Variants in RAPGEF1 observed in about 807,000 individuals in gnomAD.
The protein encoded by RAPGEF1 is CRK SH3-binding GNRP.
RAPGEF1 carries 33 observed loss-of-function variants against 143.3 expected under a neutral mutation model. That is an observed-to-expected ratio of 0.23 (90% confidence interval 0.17 to 0.31). The LOEUF is 0.31. Among genes scored for constraint, RAPGEF1 ranks in the 10% least tolerant of loss-of-function variants. The pLI is 1.00. For missense variants in RAPGEF1, 1,199 were observed against 1,645.4 expected (o/e 0.73, Z 4.69); for synonymous variants, 629 against 676.5 (o/e 0.93, Z 1.09).
chr9:131,683,892 C>T (rs1020612711), intron 1 of RAPGEF1, among the ~76,000 whole-genome samples: 5 of 152,256 alleles, frequency 3.3e-5, no homozygotes, highest in African/African-American at 9.6e-5. Context: ...ATCTACCCAA[C>T]TGCAAACAGC....
chr9:131,719,553 C>CT (rs34413859), intron 1 of RAPGEF1, among the ~76,000 whole-genome samples: 3,120 of 72,444 alleles, frequency 0.043, 159 homozygotes, highest in African/African-American at 0.056. Context: ...CCCTTCAGGG[C>CT]TTTTTTTTTT....
intron 1 of RAPGEF1, among the ~76,000 whole-genome samples, chr9:131,732,959 T>C (rs1837177052): frequency 6.6e-6 from 1 of 152,178 alleles, no homozygotes; most frequent in African/African-American, 2.4e-5. Flanking sequence ...GAGTGAAACA[T>C]CATTCTACTC....
At chr9:131,592,255 T>G in intron 17 of RAPGEF1, 72 bp from the exon 18 acceptor site, 1 of 1,254,398 alleles carries the variant, frequency 8.0e-7, no homozygotes, top group Non-Finnish European at 1.2e-6. Context: ...AGGGTGGATT[T>G]GAGTCCTTGC....
At chr9:131,721,454 C>T (rs1385205671) in intron 1 of RAPGEF1, among the ~76,000 whole-genome samples, 1 of 152,166 alleles carries the variant, frequency 6.6e-6, no homozygotes, top group East Asian at 1.9e-4. Flanking sequence ...TCCAACCCTT[C>T]AGTCTAAGGC....
At chr9:131,669,923 C>T (rs2130752970) in intron 1 of RAPGEF1, among the ~76,000 whole-genome samples, 1 of 152,302 alleles carries the variant, frequency 6.6e-6, no homozygotes, top group East Asian at 1.9e-4. Context: ...AACACAAGGC[C>T]CTGCCCACGT....
At chr9:131,722,849 G>C (rs1428558022) in intron 1 of RAPGEF1, among the ~76,000 whole-genome samples, 2 of 152,022 alleles carry the variant, frequency 1.3e-5, no homozygotes, top group Non-Finnish European at 2.9e-5. Flanking sequence ...CTGGATAACA[G>C]AGCAAAACCC....
chr9:131,663,121 A>T (rs977773870), intron 1 of RAPGEF1, among the ~76,000 whole-genome samples: 5 of 152,138 alleles, frequency 3.3e-5, no homozygotes, highest in Admixed American at 6.5e-5. Flanking sequence ...AAAAAAAAAA[A>T]TCAAATCTAT....
At chr9:131,588,067 AG>A in intron 20 of RAPGEF1, 41 bp from the exon 21 acceptor site, 1 of 1,548,210 alleles carries the variant, frequency 6.5e-7, no homozygotes, top group Non-Finnish European at 8.8e-7. Flanking sequence ...AGGGGTGGGG[AG>A]GCCGGTGGGG....
intron 15 of RAPGEF1, among the ~76,000 whole-genome samples, chr9:131,600,120 GAA>G (rs199937770): frequency 1.2e-4 from 18 of 146,540 alleles, no homozygotes; most frequent in Admixed American, 2.0e-4. Flanking sequence ...TGTCTCAAGG[GAA>G]AAAAAAAAAT....
chr9:131,625,555 C>T (rs1489838277), intron 10 of RAPGEF1, among the ~76,000 whole-genome samples: 1 of 152,072 alleles, frequency 6.6e-6, no homozygotes, highest in Admixed American at 6.5e-5. Flanking sequence ...TTCACGTATC[C>T]ACCTCGCTCT....
rs137885758 is a variant in RAPGEF1 at position 131,647,747 on chromosome 9, C to T, written c.315+2382G>A. Among the ~76,000 whole-genome samples, 340 of 152,288 alleles carry T rather than the reference C, an allele frequency of 2.2e-3. 1 individual carries two copies. The highest frequency in any genetic ancestry group is 4.4e-3 in the South Asian group (21 of 4,820). ...TGGGACAGAACACAGACATCCAACC[C>T]TTCCTAATGAGCAATGATGAAAAAG... On this transcript the variant is annotated intron_variant, in intron 3 of 26. Transcript: ENST00000683357.
At chr9:131,632,295 ATT>A (rs55684326) in intron 5 of RAPGEF1, among the ~76,000 whole-genome samples, 6 of 136,078 alleles carry the variant, frequency 4.4e-5, no homozygotes, top group Admixed American at 1.5e-4. Context: ...CACCCGGCTA[ATT>A]TTTTTTTTTT....
chr9:131,717,374 T>C (rs569845819), intron 1 of RAPGEF1, among the ~76,000 whole-genome samples: 3 of 152,308 alleles, frequency 2.0e-5, no homozygotes, highest in South Asian at 4.1e-4. Context: ...CACTATCCAC[T>C]GAACAAAAAT....
At chr9:131,591,279 G>A (rs116830432) in intron 18 of RAPGEF1, among the ~76,000 whole-genome samples, 2,408 of 152,322 alleles carry the variant, frequency 0.016, 71 homozygotes, top group African/African-American at 0.054. Flanking sequence ...GAAGGCTCAG[G>A]GCACACAGGA....
intron 22 of RAPGEF1, among the ~76,000 whole-genome samples, chr9:131,586,757 C>A (rs1165852746): frequency 1.7e-5 from 2 of 117,316 alleles, no homozygotes; most frequent in East Asian, 5.1e-4. Context: ...GAGCGAGACT[C>A]CGTCTCACAC....
chr9:131,720,203 C>T (rs1015260885), intron 1 of RAPGEF1, among the ~76,000 whole-genome samples: 28 of 152,154 alleles, frequency 1.8e-4, no homozygotes, highest in Non-Finnish European at 4.4e-5. Context: ...TCAGTTTTCT[C>T]ATCTGTAAAA....
chr9:131,635,619 C>T (rs1966175811), intron 5 of RAPGEF1, among the ~76,000 whole-genome samples: 1 of 152,162 alleles, frequency 6.6e-6, no homozygotes, highest in South Asian at 2.1e-4. Context: ...TTAAGGTGTC[C>T]CAGGCCTGAA....
rs1046515468 is a variant in RAPGEF1 at position 131,667,963 on chromosome 9, C to A, written c.62-17014G>T. Among the ~76,000 whole-genome samples, 1 of 152,194 alleles carries A rather than the reference C, an allele frequency of 6.6e-6. No homozygotes were observed. Among genetic ancestry groups the A allele is most frequent in the South Asian group, 2.1e-4 (1 of 4,828 alleles). Reference sequence around the variant, plus strand: ...TGTCATCTGTGGCCACCAGACCGTTCAAAAATATACTCCTTTTTGGGATAA... The same window carrying A: ...TGTCATCTGTGGCCACCAGACCGTTAAAAAATATACTCCTTTTTGGGATAA... On this transcript the variant is annotated intron_variant, in intron 1 of 26. Transcript: ENST00000683357. The surrounding 1 kb of genome is among the most constrained non-coding windows in gnomAD (Gnocchi z 4.6).
At chr9:131,618,641 G>A (rs1959623859) in intron 12 of RAPGEF1, among the ~76,000 whole-genome samples, 1 of 152,138 alleles carries the variant, frequency 6.6e-6, no homozygotes. Flanking sequence ...CTTGAACTCT[G>A]GAGTTCAGGT....
Sources: allele counts gnomAD v4.1 joint callset (sites outside exome capture counted in the v4.1 genomes callset), GRCh38; gene constraint gnomAD v4.1.1; non-coding constraint Gnocchi (gnomAD v3.1); transcripts MANE v1.5; gene names NCBI Gene and HGNC (gene_info 2026-07-23, HGNC 2026-07-21).